Variants in SMAD1 observed in about 807,000 individuals in gnomAD.
SMAD1 encodes SMAD family member 1, also known as MAD, mothers against decapentaplegic homolog 1.
In SMAD1, 6 loss-of-function variants were observed where a neutral mutation model predicts 41.6. The ratio of observed to expected loss-of-function variants is 0.14; its 90% CI spans 0.08 to 0.28. SMAD1 has a LOEUF of 0.28. SMAD1 is among the 10% of genes least tolerant of loss of function. The pLI, the probability that SMAD1 is intolerant of heterozygous loss-of-function variation, is 1.00. For missense variants in SMAD1, 379 were observed against 582.6 expected (o/e 0.65, Z 3.60); for synonymous variants, 206 against 203.2 (o/e 1.01, Z -0.12).
At chr4:145,527,631 G>A (rs1444783856) in intron 2 of SMAD1, among the ~76,000 whole-genome samples, 1 of 152,080 alleles carries the variant, frequency 6.6e-6, no homozygotes, top group African/African-American at 2.4e-5. Flanking sequence ...GGAAAGCCAG[G>A]ATTCAAATTA....
intron 2 of SMAD1, 121 bp downstream of exon 2, chr4:145,515,134 C>CTGTGTGTGTGTGTGTG (rs377610507): frequency 1.5e-5 from 8 of 535,628 alleles, no homozygotes; most frequent in African/African-American, 4.3e-5. Flanking sequence ...TTTGGGGAAA[C>CTGTGTGTGTGTGTGTG]TGTGTGTGTG....
intron 2 of SMAD1, among the ~76,000 whole-genome samples, chr4:145,529,590 G>T (rs1350479706): frequency 6.6e-6 from 1 of 152,142 alleles, no homozygotes; most frequent in African/African-American, 2.4e-5. Context: ...AAAAAACTGG[G>T]CCCTGTAAAT....
At chr4:145,481,770 C>T (rs1007427908), upstream of SMAD1, 1 of 187,694 alleles carries the variant, frequency 5.3e-6, no homozygotes, top group Non-Finnish European at 1.1e-5. Flanking sequence ...TGTGAGCGGG[C>T]GGGCGGGCAG....
At chr4:145,555,032 T>A (rs1220274077) in intron 6 of SMAD1, among the ~76,000 whole-genome samples, 1 of 152,220 alleles carries the variant, frequency 6.6e-6, no homozygotes, top group Non-Finnish European at 1.5e-5. Context: ...CCTACTTATT[T>A]AAAGCATCTT....
At chr4:145,539,754 G>C (rs756475828) in intron 2 of SMAD1, 50 bp from the exon 3 acceptor site, 1 of 1,550,166 alleles carries the variant, frequency 6.5e-7, no homozygotes, top group South Asian at 1.1e-5. Context: ...TGTAATTATA[G>C]ATCATAATTC....
chr4:145,522,333 G>C (rs1012192200), intron 2 of SMAD1, among the ~76,000 whole-genome samples: 1 of 152,046 alleles, frequency 6.6e-6, no homozygotes, highest in South Asian at 2.1e-4. Flanking sequence ...TGGGTGCAGT[G>C]GCTCACGCCT....
chr4:145,535,945 TTTTGAATGAA>T (rs1472242046), intron 2 of SMAD1, among the ~76,000 whole-genome samples: 1 of 151,352 alleles, frequency 6.6e-6, no homozygotes, highest in East Asian at 1.9e-4. Context: ...TCCAAGTAGA[TTTTGAATGAA>T]TTTGAATGAA....
At chr4:145,555,683 C>T (rs1239961975) in intron 6 of SMAD1, among the ~76,000 whole-genome samples, 2 of 151,396 alleles carry the variant, frequency 1.3e-5, no homozygotes, top group African/African-American at 4.8e-5. Flanking sequence ...AACCTTTACA[C>T]TAATAAAAGG....
At chr4:145,517,135 C>T (rs1258902564) in intron 2 of SMAD1, 2 of 152,192 alleles carry the variant, frequency 1.3e-5, no homozygotes, top group Non-Finnish European at 2.9e-5. Context: ...TCCTACTTTT[C>T]CCTACTCTTG....
At chr4:145,552,266 C>T (rs1228524158) in intron 5 of SMAD1, among the ~76,000 whole-genome samples, 1 of 152,196 alleles carries the variant, frequency 6.6e-6, no homozygotes, top group African/African-American at 2.4e-5. Flanking sequence ...TCTGCTCTAG[C>T]AGCTATTTAA....
intron 2 of SMAD1, among the ~76,000 whole-genome samples, chr4:145,527,615 G>A (rs1324864552): frequency 6.6e-6 from 1 of 152,070 alleles, no homozygotes; most frequent in Non-Finnish European, 1.5e-5. Context: ...CACACAACTT[G>A]TATCTGGAAA....
chr4:145,506,879 G>A (rs1004427637), intron 1 of SMAD1, among the ~76,000 whole-genome samples: 15 of 151,994 alleles, frequency 9.9e-5, no homozygotes, highest in African/African-American at 3.6e-4. Flanking sequence ...AAGTTACATA[G>A]CAGTTAAGAG....
At chr4:145,508,032 A>T (rs902492549) in intron 1 of SMAD1, among the ~76,000 whole-genome samples, 4 of 149,116 alleles carry the variant, frequency 2.7e-5, no homozygotes, top group African/African-American at 9.8e-5. Context: ...GCCTCAAGAC[A>T]TTTACCACCT....
rs549989778 is a variant in SMAD1, at chr4:145,549,693, G to T, written c.997+2769G>T. 1.9e-4 allele frequency among the ~76,000 whole-genome samples: 29 copies of T among 152,220 alleles called. No individual in the cohort carries two copies. The South Asian group carries it at 5.4e-3, about 28-fold the overall frequency. On this transcript the variant is annotated intron_variant, in intron 5 of 6. Transcript: ENST00000302085. ...TTTAGAACAGTGGACCAGATTAAAA[G>T]GTTATTTATTAGATGCTTTAAAAGC...
chr4:145,480,917 AT>A (rs5862738), upstream of SMAD1, among the ~76,000 whole-genome samples: 50,879 of 128,600 alleles, frequency 0.4, 9,088 homozygotes, highest in East Asian at 0.68. Flanking sequence ...GCTGGGAGTG[AT>A]TTTTTTTTTT....
At chr4:145,522,247 C>T (rs932267174) in intron 2 of SMAD1, among the ~76,000 whole-genome samples, 5 of 151,940 alleles carry the variant, frequency 3.3e-5, no homozygotes, top group African/African-American at 1.2e-4. Context: ...TGCAGTGAGC[C>T]GGGATCGCGC....
chr4:145,534,377 G>A (rs72722179), intron 2 of SMAD1, among the ~76,000 whole-genome samples: 1,941 of 152,298 alleles, frequency 0.013, 23 homozygotes, highest in Non-Finnish European at 0.019. Flanking sequence ...TGTATATAAT[G>A]TGACCTCAAT....
At chr4:145,542,390 T>TTTCACAAAAAAAAAA (rs1731994874) in intron 3 of SMAD1, among the ~76,000 whole-genome samples, 192 bp from the exon 4 acceptor site, 1 of 152,254 alleles carries the variant, frequency 6.6e-6, no homozygotes, top group Non-Finnish European at 1.5e-5. Flanking sequence ...CACAAAAATG[T>TTTCACAAAAAAAAAA]ATATGATTGT....
chr4:145,556,786 A>T (rs1223662251), intron 6 of SMAD1, among the ~76,000 whole-genome samples: 8 of 152,098 alleles, frequency 5.3e-5, no homozygotes, highest in Admixed American at 5.2e-4. Flanking sequence ...CGCCTCCTGG[A>T]TTCAAGTGAT....
Sources: gnomAD v4.1 joint callset for allele counts (sites outside exome capture counted in the v4.1 genomes callset) on GRCh38, gnomAD v4.1.1 for gene constraint, MANE v1.5 for transcripts, NCBI Gene and HGNC (gene_info 2026-07-23, HGNC 2026-07-21) for gene names.